Variants in KATNAL2 observed in about 807,000 individuals in gnomAD.
KATNAL2 encodes katanin p60 ATPase-containing subunit A-like 2.
Under a neutral mutation model 76.3 loss-of-function variants are expected in KATNAL2, and 52 were observed. The ratio of observed to expected loss-of-function variants is 0.68; its 90% CI spans 0.55 to 0.86. The LOEUF (loss-of-function observed/expected upper bound fraction) is 0.86. Ranked by LOEUF, KATNAL2 falls within the 40% of genes least tolerant of loss-of-function variation. The pLI is 0.00. For synonymous variants in KATNAL2, 243 were observed against 244.2 expected, an observed-to-expected ratio of 1.00 and a Z score of 0.05; for missense variants, 660 against 668.9, an observed-to-expected ratio of 0.99 and a Z score of 0.15.
chr18:47,065,951 C>T lies in KATNAL2; in HGVS notation c.727-1070C>T, dbSNP rs150662303. ...CTGCCCTCCAGCCTGGGCTACAGAG[C>T]GAGACCCAGTTTGAAGAAAAATTAA... is the stretch of plus-strand genomic sequence containing the variant. On this transcript the variant is annotated intron_variant, in intron 10 of 17. Transcript: ENST00000683218. Among the ~76,000 whole-genome samples the T allele has an allele frequency of 7.8e-4, 117 of 150,542 alleles. No individual in the cohort carries two copies. In the East Asian group the frequency reaches 8.9e-3, roughly 12 times the overall value.
At chr18:46,947,586 G>T (rs72917200) in intron 3 of KATNAL2, among the ~76,000 whole-genome samples, 1,688 of 152,090 alleles carry the variant, frequency 0.011, 19 homozygotes, top group Non-Finnish European at 0.017. Flanking sequence ...GTGGGGGCGG[G>T]GGGAAGGAAA....
At chr18:46,944,312 T>C (rs1386743826) in intron 1 of KATNAL2, among the ~76,000 whole-genome samples, 2 of 152,110 alleles carry the variant, frequency 1.3e-5, no homozygotes, top group African/African-American at 2.4e-5. Flanking sequence ...CAACAAAGAA[T>C]TGAAAATATT....
intron 3 of KATNAL2, chr18:47,032,506 C>A: frequency 5.2e-6 from 1 of 191,216 alleles, no homozygotes; most frequent in African/African-American, 2.4e-5. Flanking sequence ...CCTCCACCTC[C>A]CAAAGGAGGA....
chr18:46,955,124 T>C (rs181392484), intron 3 of KATNAL2, among the ~76,000 whole-genome samples: 1 of 103,492 alleles, frequency 9.7e-6, no homozygotes, highest in African/African-American at 4.0e-5. Flanking sequence ...CCTTTTGTCT[T>C]TCTTTCTTTC....
intron 3 of KATNAL2, among the ~76,000 whole-genome samples, chr18:47,041,654 C>G (rs2060968614): frequency 6.6e-6 from 1 of 152,166 alleles, no homozygotes; most frequent in Admixed American, 6.5e-5. Context: ...AATAAAGCTG[C>G]TATAAACATC....
intron 1 of KATNAL2, among the ~76,000 whole-genome samples, chr18:46,935,714 G>C (rs1001725778): frequency 1.6e-4 from 25 of 152,098 alleles, no homozygotes; most frequent in Admixed American, 1.2e-3. Flanking sequence ...TCAGGTGTTC[G>C]AGGCCAGCCT....
intron 3 of KATNAL2, among the ~76,000 whole-genome samples, chr18:46,960,457 C>G (rs1468909388): frequency 6.6e-6 from 1 of 150,958 alleles, no homozygotes; most frequent in African/African-American, 2.4e-5. Flanking sequence ...AGCAGTTTTG[C>G]TAAGATGAAG....
chr18:47,042,230 C>T (rs1438948690), intron 3 of KATNAL2, among the ~76,000 whole-genome samples: 1 of 151,996 alleles, frequency 6.6e-6, no homozygotes, highest in Non-Finnish European at 1.5e-5. Context: ...TTCTGAGAGC[C>T]CTGACTTTTA....
chr18:47,084,678 A>C (rs2062687865), intron 15 of KATNAL2, among the ~76,000 whole-genome samples: 6 of 151,438 alleles, frequency 4.0e-5, no homozygotes, highest in Admixed American at 3.9e-4. Context: ...ATGAAACTCT[A>C]TCTCTACTAA....
intron 3 of KATNAL2, among the ~76,000 whole-genome samples, chr18:46,960,097 C>T (rs754457063): frequency 6.6e-6 from 1 of 152,034 alleles, no homozygotes; most frequent in Non-Finnish European, 1.5e-5. Flanking sequence ...TGAGAGAAGG[C>T]CTTCTATTTG....
At chr18:47,078,834 G>T (rs958596293) in intron 15 of KATNAL2, among the ~76,000 whole-genome samples, 1 of 152,086 alleles carries the variant, frequency 6.6e-6, no homozygotes, top group Non-Finnish European at 1.5e-5. Flanking sequence ...AGCAAAAAAC[G>T]CATAAAAATT....
chr18:47,053,285 A>C (rs2061386573), intron 5 of KATNAL2, among the ~76,000 whole-genome samples: 1 of 152,260 alleles, frequency 6.6e-6, no homozygotes, highest in African/African-American at 2.4e-5. Flanking sequence ...CAATGAAAGC[A>C]AAACCCCAGT....
intron 3 of KATNAL2, chr18:47,035,028 C>G: frequency 6.2e-7 from 1 of 1,611,758 alleles, no homozygotes; most frequent in Non-Finnish European, 8.5e-7. Context: ...TGTTTCGGTC[C>G]ACGAGCACCA....
intron 13 of KATNAL2, among the ~76,000 whole-genome samples, chr18:47,074,378 C>T (rs1029801420): frequency 4.6e-5 from 7 of 152,156 alleles, no homozygotes; most frequent in Non-Finnish European, 1.0e-4. Context: ...AACCCTTTCC[C>T]TCTAATTCTG....
intron 3 of KATNAL2, among the ~76,000 whole-genome samples, chr18:46,961,554 A>T (rs1408727277): frequency 6.6e-6 from 1 of 152,224 alleles, no homozygotes; most frequent in African/African-American, 2.4e-5. Flanking sequence ...ATAAACTTAC[A>T]ATGAGGGTTT....
Position 47,067,081 on chromosome 18 carries a change from A to C in KATNAL2, c.787A>C (p.Lys263Gln), listed in dbSNP as rs767274280. The C allele has an allele frequency of 6.3e-7, 1 of 1,586,122 alleles. No homozygotes were observed. Among genetic ancestry groups the C allele is most frequent in the East Asian group, 2.2e-5 (1 of 44,544 alleles). ...TGACATTATTGGACTTGATGCAGCC[A>C]AGCAGTTAGTCAAAGAAGCTGTTGT... is the stretch of plus-strand genomic sequence containing the variant. ...WNDIIGLDAA[K>Q]QLVKEAVVYP... Residue 263 changes from lysine (K) to glutamine (Q), a missense_variant, in exon 11 of 18, where the codon AAG becomes CAG. Physicochemically the swap from Lys to Gln is moderately conservative, Grantham distance 53 (BLOSUM62 1). Coordinates refer to ENST00000683218, the MANE Select transcript of KATNAL2 (RefSeq NM_001387690.1).
At chr18:47,076,596 A>G (rs974128715) in intron 14 of KATNAL2, 1 of 152,080 alleles carries the variant, frequency 6.6e-6, no homozygotes, top group South Asian at 2.1e-4. Context: ...TTCTGCCCCG[A>G]ATTTCCATTT....
chr18:47,086,622 C>A (rs2147330643), intron 15 of KATNAL2, among the ~76,000 whole-genome samples: 1 of 152,286 alleles, frequency 6.6e-6, no homozygotes, highest in South Asian at 2.1e-4. Flanking sequence ...GCCTGTTATT[C>A]ATCTTTAATA....
rs1322081679 is a variant in KATNAL2 at position 46,917,621 on chromosome 18, C to G, written c.-815C>G. On this transcript the variant is annotated 5_prime_UTR_variant, in exon 1 of 18. Transcript: ENST00000683218. ...GCCTTCAGTCCGCGCGGCGACAGCG[C>G]CCGCCCGCGCCTGCCCCGGCGTGCT... The G allele has an allele frequency of 1.1e-6, 1 of 915,136 alleles. No homozygotes were observed. Among genetic ancestry groups the G allele is most frequent in the East Asian group, 1.1e-4 (1 of 9,250 alleles). The allele number at this position is 915,136 out of a possible 1,614,324, so 56.7% of individuals were successfully genotyped here.
Sources: allele counts gnomAD v4.1 joint callset (sites outside exome capture counted in the v4.1 genomes callset), GRCh38; gene constraint gnomAD v4.1.1; transcripts MANE v1.5; gene names NCBI Gene and HGNC (gene_info 2026-07-23, HGNC 2026-07-21).